The following RBFOX1 variants were observed in gnomAD, a reference collection of about 807,000 sequenced individuals.
RBFOX1 encodes the protein RNA binding fox-1 homolog 1.
Under a neutral mutation model 57.7 loss-of-function variants are expected in RBFOX1, and 8 were observed. That is an observed-to-expected ratio of 0.14 (90% CI 0.08 to 0.25). RBFOX1 has a LOEUF of 0.25. RBFOX1 is among the 10% of genes least tolerant of loss of function. The pLI, the probability that RBFOX1 is intolerant of heterozygous loss-of-function variation, is 1.00. For synonymous variants in RBFOX1, 326 were observed against 222.4 expected (o/e 1.47, Z -4.15); for missense variants, 611 against 548.5 (o/e 1.11, Z -1.14).
chr16:6,134,770 C>T (rs1032779276), intron 1 of RBFOX1, among the ~76,000 whole-genome samples: 5 of 151,558 alleles, frequency 3.3e-5, no homozygotes, highest in African/African-American at 4.9e-5. Flanking sequence ...CTCCGCCTCC[C>T]GGGTTCACGC....
intron 4 of RBFOX1, among the ~76,000 whole-genome samples, chr16:7,367,095 G>C (rs1203311085): frequency 6.6e-6 from 1 of 151,530 alleles, no homozygotes; most frequent in Non-Finnish European, 1.5e-5. Context: ...TATGGTGTCA[G>C]TGAATCATGA....
intron 4 of RBFOX1, among the ~76,000 whole-genome samples, chr16:7,128,300 A>G (rs1185511069): frequency 6.6e-6 from 1 of 152,206 alleles, no homozygotes; most frequent in South Asian, 2.1e-4. Context: ...GATAGGTACT[A>G]TACTTAACCC....
intron 1 of RBFOX1, among the ~76,000 whole-genome samples, chr16:6,130,792 T>A (rs8051571): frequency 6.6e-6 from 1 of 152,142 alleles, no homozygotes; most frequent in South Asian, 2.1e-4. Flanking sequence ...CATTTCAGAA[T>A]GATCAAATGG....
At chr16:5,691,018 A>C (rs1221921801) in intron 3 of RBFOX1, among the ~76,000 whole-genome samples, 1 of 152,256 alleles carries the variant, frequency 6.6e-6, no homozygotes, top group African/African-American at 2.4e-5. Context: ...TTACCCCAGA[A>C]CAAAATTTTG....
intron 3 of RBFOX1, among the ~76,000 whole-genome samples, chr16:5,687,503 A>G (rs970761209): frequency 6.6e-6 from 1 of 152,222 alleles, no homozygotes; most frequent in Non-Finnish European, 1.5e-5. Context: ...TTCTGAAGCT[A>G]TGTTCGAATG....
chr16:6,532,476 G>T (rs1272025556), intron 2 of RBFOX1, among the ~76,000 whole-genome samples: 1 of 152,116 alleles, frequency 6.6e-6, no homozygotes, highest in Non-Finnish European at 1.5e-5. Flanking sequence ...GTTACTTTCT[G>T]CTTTAAGGCG....
intron 2 of RBFOX1, among the ~76,000 whole-genome samples, chr16:6,320,693 C>T (rs978251573): frequency 2.0e-5 from 3 of 151,844 alleles, no homozygotes; most frequent in Admixed American, 1.3e-4. Flanking sequence ...AGCAGCCAGA[C>T]GGAGCAAGTG....
chr16:6,247,650 A>T (rs796401979), intron 1 of RBFOX1, among the ~76,000 whole-genome samples: 3 of 152,192 alleles, frequency 2.0e-5, no homozygotes, highest in Non-Finnish European at 2.9e-5. Flanking sequence ...TATCAGAGAT[A>T]CAAACACTAG....
intron 1 of RBFOX1, among the ~76,000 whole-genome samples, chr16:6,057,539 T>C (rs1217849668): frequency 6.6e-6 from 1 of 151,864 alleles, no homozygotes; most frequent in African/African-American, 2.4e-5. Context: ...ACAGGCTTGG[T>C]CTCTGCCAAC....
At chr16:5,671,891 A>T (rs912125732) in intron 3 of RBFOX1, among the ~76,000 whole-genome samples, 2 of 152,184 alleles carry the variant, frequency 1.3e-5, no homozygotes, top group Non-Finnish European at 2.9e-5. Flanking sequence ...AGCCTTGCAG[A>T]ATATTTAGAT....
chr16:6,367,051 C>A (rs1337382906), intron 2 of RBFOX1, among the ~76,000 whole-genome samples: 1 of 152,170 alleles, frequency 6.6e-6, no homozygotes, highest in Non-Finnish European at 1.5e-5. Context: ...CTTCCTCATC[C>A]CACTTCCGCA....
At chr16:7,401,128 A>C (rs893418558) in intron 4 of RBFOX1, among the ~76,000 whole-genome samples, 2 of 152,232 alleles carry the variant, frequency 1.3e-5, no homozygotes, top group African/African-American at 4.8e-5. Context: ...GGTATTAGAA[A>C]ATCCAGAAGA....
intron 3 of RBFOX1, among the ~76,000 whole-genome samples, chr16:5,712,521 T>C (rs1005454599): frequency 6.6e-6 from 1 of 152,190 alleles, no homozygotes; most frequent in African/African-American, 2.4e-5. Context: ...ATGTGAGGCC[T>C]CTCAGAGAAT....
At chr16:5,518,861 C>T (rs910052259) in intron 2 of RBFOX1, among the ~76,000 whole-genome samples, 1 of 152,172 alleles carries the variant, frequency 6.6e-6, no homozygotes, top group Admixed American at 6.5e-5. Flanking sequence ...ATCCCTATCC[C>T]CCTAACCCCC....
chr16:6,811,171 A>G (rs1212494845), intron 3 of RBFOX1, among the ~76,000 whole-genome samples: 1 of 152,224 alleles, frequency 6.6e-6, no homozygotes, highest in Non-Finnish European at 1.5e-5. Flanking sequence ...GAATTAAGTG[A>G]TATGAGAGTT....
In RBFOX1 at chr16:7,365,237, G is replaced by A. The variant is rs1374842007; in HGVS notation, c.28-152910G>A. On this transcript the variant is annotated intron_variant, in intron 4 of 15. Coordinates refer to ENST00000550418, the MANE Select transcript of RBFOX1 (RefSeq NM_018723.4). ...GATATAAATGTCATTAGAAACCAGA[G>A]AAACAGATGATACACTCAATGGGGT... is the stretch of plus-strand genomic sequence containing the variant. 3.3e-5 allele frequency among the ~76,000 whole-genome samples: 5 copies of A among 152,238 alleles called. 1 individual carries two copies. In the East Asian group the frequency reaches 9.6e-4, roughly 29 times the overall value.
At position 5,991,246 on chromosome 16, in the gene RBFOX1, G is replaced by C. The variant is rs762272659; in HGVS notation, c.351+123911G>C. Among the ~76,000 whole-genome samples the C allele has an allele frequency of 5.3e-5, 8 of 152,218 alleles. No homozygotes were observed. In the South Asian group the frequency reaches 1.7e-3, roughly 32 times the overall value. ...TCCCCATTTGCAGAGGAGCAGCAAA[G>C]TTCTAGCACAAGACCACACAGGCAG... On this transcript the variant is annotated intron_variant, in intron 4 of 19. Transcript: ENST00000641259.
intron 3 of RBFOX1, among the ~76,000 whole-genome samples, chr16:5,812,525 C>G (rs554916949): frequency 6.7e-6 from 1 of 149,386 alleles, no homozygotes; most frequent in East Asian, 2.0e-4. Flanking sequence ...GTGGTGCAGT[C>G]GTAGCTCACT....
At chr16:6,717,627 C>A (rs1401928656) in intron 3 of RBFOX1, among the ~76,000 whole-genome samples, 1 of 150,690 alleles carries the variant, frequency 6.6e-6, no homozygotes, top group Non-Finnish European at 1.5e-5. Flanking sequence ...TTTTACATGT[C>A]ACATCCTGGA....
Sources: allele counts gnomAD v4.1 joint callset (sites outside exome capture counted in the v4.1 genomes callset), GRCh38; gene constraint gnomAD v4.1.1; transcripts MANE v1.5; gene names NCBI Gene and HGNC (gene_info 2026-07-23, HGNC 2026-07-21).